KIZ: variants seen among roughly 807,000 people sequenced by gnomAD.
KIZ encodes the protein centrosomal protein kizuna.
In KIZ, 68 loss-of-function variants were observed where a neutral mutation model predicts 79.6. That is an observed-to-expected ratio of 0.85 (90% CI 0.70 to 1.05). The LOEUF (loss-of-function observed/expected upper bound fraction) is 1.05, where lower values mean the gene tolerates loss of function less well. Ranked by LOEUF, KIZ falls within the 50% of genes least tolerant of loss-of-function variation. The pLI is 0.00. For synonymous variants in KIZ, 280 were observed against 281.8 expected (o/e 0.99, Z 0.06); for missense variants, 797 against 800.4 (o/e 1.00, Z 0.05).
At chr20:21,139,360 G>T (rs868839825) in intron 3 of KIZ, among the ~76,000 whole-genome samples, 2 of 151,816 alleles carry the variant, frequency 1.3e-5, no homozygotes, top group Non-Finnish European at 2.9e-5. Flanking sequence ...AATGGAGAGG[G>T]GTATTTAGAA....
chr20:21,155,622 A>G (rs1316811308), intron 4 of KIZ, among the ~76,000 whole-genome samples: 1 of 152,168 alleles, frequency 6.6e-6, no homozygotes, highest in Non-Finnish European at 1.5e-5. Flanking sequence ...TGGTCGCACA[A>G]CTCTGCGAAT....
intron 6 of KIZ, among the ~76,000 whole-genome samples, chr20:21,186,148 A>G (rs935096493): frequency 6.6e-6 from 1 of 152,174 alleles, no homozygotes; most frequent in Non-Finnish European, 1.5e-5. Context: ...GTTCTAATTT[A>G]TGTGATAAAT....
rs529651765 is a variant in KIZ at position 21,167,417 on chromosome 20, C to T, written c.1352+4258C>T. The stretch of plus-strand genomic sequence containing the variant: ...TGTGCTTCCCCTCCCCTTATACCTT[C>T]ACCATCTGAGCAAGTGCATTTTCAC... On this transcript the variant is annotated intron_variant, in intron 6 of 12. Transcript: ENST00000619189. 2.0e-3 allele frequency among the ~76,000 whole-genome samples: 306 copies of T among 152,260 alleles called. 1 individual carries two copies. The highest frequency in any genetic ancestry group is 7.0e-3 in the African/African-American group (290 of 41,558).
chr20:21,201,570 C>G (rs1392579555), intron 6 of KIZ, among the ~76,000 whole-genome samples: 1 of 152,170 alleles, frequency 6.6e-6, no homozygotes, highest in African/African-American at 2.4e-5. Context: ...GTATTTATTA[C>G]TCTGCATTTA....
At chr20:21,168,166 C>T (rs192522433) in intron 6 of KIZ, among the ~76,000 whole-genome samples, 22 of 152,176 alleles carry the variant, frequency 1.4e-4, no homozygotes, top group Admixed American at 7.2e-4. Flanking sequence ...TGAGAACATG[C>T]GGTGTTTGGT....
rs559349105 is a variant in KIZ at position 21,231,698 on chromosome 20, A to G, written c.1784-1036A>G. On this transcript the variant is annotated intron_variant, in intron 10 of 12. Transcript: ENST00000619189. ...TTATCTGAGCCCCAAAGAAAAGCAG[A>G]AAGTGGGCTGGGAGGGTGTAGGGCA... 3.3e-5 allele frequency among the ~76,000 whole-genome samples: 5 copies of G among 152,304 alleles called. No individual in the cohort carries two copies. In the East Asian group the frequency reaches 9.7e-4, roughly 29 times the overall value.
At chr20:21,199,390 G>T (rs1016755174) in intron 6 of KIZ, among the ~76,000 whole-genome samples, 1 of 152,144 alleles carries the variant, frequency 6.6e-6, no homozygotes, top group African/African-American at 2.4e-5. Flanking sequence ...TCATTTTTTA[G>T]AGCCAGATAA....
intron 6 of KIZ, among the ~76,000 whole-genome samples, chr20:21,192,279 ATTTTT>A (rs1260846529): frequency 2.2e-5 from 2 of 91,090 alleles, no homozygotes; most frequent in South Asian, 3.9e-4. Context: ...TCATTTCTGG[ATTTTT>A]TTTTTTTTTT....
intron 7 of KIZ, among the ~76,000 whole-genome samples, chr20:21,210,342 CAT>C (rs148391246): frequency 0.021 from 3,226 of 152,146 alleles, 101 homozygotes; most frequent in African/African-American, 0.069. Context: ...TATTGAAAAA[CAT>C]AGGTTGCATT....
rs182221529 is a variant in KIZ, at chr20:21,150,221, G to A, written c.405+4567G>A. Among the ~76,000 whole-genome samples the A allele has an allele frequency of 7.9e-5, 12 of 152,352 alleles. No individual in the cohort carries two copies. In the East Asian group the frequency reaches 2.1e-3, roughly 27 times the overall value. Reference sequence around the variant, plus strand: ...TTGGGCCAAGAGGCACAGGTGCTTAGAGGAGGACACTGGGCAGGTACTGGA... The same window carrying A: ...TTGGGCCAAGAGGCACAGGTGCTTAAAGGAGGACACTGGGCAGGTACTGGA... On this transcript the variant is annotated intron_variant, in intron 4 of 12. Coordinates refer to ENST00000619189, the MANE Select transcript of KIZ (RefSeq NM_018474.6).
intron 6 of KIZ, among the ~76,000 whole-genome samples, chr20:21,175,010 T>C (rs1239652689): frequency 2.6e-5 from 4 of 152,194 alleles, no homozygotes; most frequent in Non-Finnish European, 4.4e-5. Context: ...CAGCTGTCTG[T>C]TTTCATCAGC....
upstream of KIZ, chr20:21,126,006 G>A (rs1436901604): frequency 4.5e-6 from 6 of 1,325,678 alleles, no homozygotes; most frequent in African/African-American, 7.7e-5. Flanking sequence ...GCCTCCTGCA[G>A]GCGGCCCGGC....
intron 6 of KIZ, among the ~76,000 whole-genome samples, chr20:21,182,560 C>T (rs2034699689): frequency 6.6e-6 from 1 of 152,100 alleles, no homozygotes; most frequent in Admixed American, 6.6e-5. Context: ...CTTTGGGAAG[C>T]CAAGGTGGGC....
At chr20:21,210,745 A>G (rs944613638) in intron 7 of KIZ, among the ~76,000 whole-genome samples, 1 of 149,140 alleles carries the variant, frequency 6.7e-6, no homozygotes, top group Non-Finnish European at 1.5e-5. Flanking sequence ...GTTCTTTATG[A>G]AACTAGATAC....
intron 4 of KIZ, chr20:21,153,934 A>C (rs2033242595): frequency 6.6e-6 from 1 of 152,196 alleles, no homozygotes; most frequent in African/African-American, 2.4e-5. Context: ...TTGGGACTTC[A>C]ACATATGAAT....
At chr20:21,218,966 A>G (rs1197366808) in intron 9 of KIZ, among the ~76,000 whole-genome samples, 1 of 152,188 alleles carries the variant, frequency 6.6e-6, no homozygotes, top group Non-Finnish European at 1.5e-5. Context: ...GCTATTCTTC[A>G]GTGTGGGATC....
At chr20:21,211,048 T>C (rs1455399139) in intron 7 of KIZ, among the ~76,000 whole-genome samples, 2 of 152,004 alleles carry the variant, frequency 1.3e-5, no homozygotes, top group African/African-American at 4.8e-5. Context: ...TTCTTAATGG[T>C]GTTTTGGATA....
intron 9 of KIZ, chr20:21,218,397 C>T (rs2036382046): frequency 6.6e-6 from 1 of 152,034 alleles, no homozygotes; most frequent in Admixed American, 6.6e-5. Flanking sequence ...GTGTGCTGCC[C>T]CACAAGTATT....
intron 4 of KIZ, among the ~76,000 whole-genome samples, chr20:21,153,380 G>A (rs191997554): frequency 5.9e-5 from 9 of 152,172 alleles, no homozygotes; most frequent in African/African-American, 1.9e-4. Context: ...GTGACAATTC[G>A]TAAAGATTGA....
Sources: allele counts gnomAD v4.1 joint callset (sites outside exome capture counted in the v4.1 genomes callset), GRCh38; gene constraint gnomAD v4.1.1; transcripts MANE v1.5; gene names NCBI Gene and HGNC (gene_info 2026-07-23, HGNC 2026-07-21).